DMXL1: variants seen among roughly 807,000 people sequenced by gnomAD.
DMXL1 encodes Dmx like 1, also known as dmX-like protein 1.
A neutral mutation model predicts 319.2 loss-of-function variants in DMXL1; 99 were observed. That is an observed-to-expected ratio of 0.31 (90% CI 0.26 to 0.37). DMXL1 has a LOEUF of 0.37. Among genes scored for constraint, DMXL1 ranks in the 10% least tolerant of loss-of-function variants. DMXL1 has a pLI of 1.00. For synonymous variants in DMXL1, 1,385 were observed against 1,235.2 expected (o/e 1.12, Z -2.54); for missense variants, 3,745 against 3,595.6 (o/e 1.04, Z -1.06).
chr5:119,174,874 G>A (rs183290639), intron 25 of DMXL1, among the ~76,000 whole-genome samples: 321 of 152,286 alleles, frequency 2.1e-3, no homozygotes, highest in Non-Finnish European at 3.6e-3. Flanking sequence ...TGACCTGTCC[G>A]TTGGTGAACT....
chr5:119,208,290 T>C (rs1782109810), intron 34 of DMXL1, among the ~76,000 whole-genome samples: 1 of 151,402 alleles, frequency 6.6e-6, no homozygotes, highest in African/African-American at 2.4e-5. Context: ...CTCAGCTTAC[T>C]GCAAGCTCCG....
rs551577500 is a variant in DMXL1 at position 119,130,157 on chromosome 5, G to A, written c.1315+734G>A. Among the ~76,000 whole-genome samples the A allele has an allele frequency of 1.1e-4, 17 of 151,904 alleles. 1 individual carries two copies. The South Asian group carries it at 3.5e-3, about 32-fold the overall frequency. On this transcript the variant is annotated intron_variant, in intron 10 of 43. Transcript: ENST00000539542. ...ATTTCAAGATGGTTTATGATCATTA[G>A]GTAAGAAAAATCAAACAGGTACACA...
At chr5:119,186,089 T>C (rs960595706) in intron 28 of DMXL1, among the ~76,000 whole-genome samples, 1 of 152,228 alleles carries the variant, frequency 6.6e-6, no homozygotes, top group South Asian at 2.1e-4. Context: ...CTGTTTGTCT[T>C]AAACTTGCAT....
chr5:119,154,925 GA>G (rs1420677289), intron 19 of DMXL1, among the ~76,000 whole-genome samples: 1 of 152,168 alleles, frequency 6.6e-6, no homozygotes, highest in Non-Finnish European at 1.5e-5. Flanking sequence ...GAAAATCCTA[GA>G]GTGTTTAAGA....
chr5:119,188,544 G>A (rs1359422846), intron 28 of DMXL1, among the ~76,000 whole-genome samples: 2 of 152,154 alleles, frequency 1.3e-5, no homozygotes, highest in African/African-American at 4.8e-5. Context: ...GTAAACTACC[G>A]TTTAAGTTTT....
At chr5:119,095,775 G>T (rs1212924292) in intron 1 of DMXL1, among the ~76,000 whole-genome samples, 1 of 152,148 alleles carries the variant, frequency 6.6e-6, no homozygotes, top group East Asian at 1.9e-4. Context: ...CTTGCTAATG[G>T]TCTTATGACA....
intron 19 of DMXL1, among the ~76,000 whole-genome samples, chr5:119,159,153 C>T (rs1029636964): frequency 5.9e-5 from 9 of 151,406 alleles, no homozygotes; most frequent in Admixed American, 4.6e-4. Context: ...TTCTTTGAGA[C>T]AGAGTCTCGC....
chr5:119,173,349 G>A (rs943679958), intron 25 of DMXL1, among the ~76,000 whole-genome samples: 14 of 127,666 alleles, frequency 1.1e-4, no homozygotes, highest in South Asian at 7.2e-4. Context: ...CCCACCCCCC[G>A]CCAAAAAAAA....
At position 119,203,304 on chromosome 5, in the gene DMXL1, T is replaced by C. The variant is rs1482373743; in HGVS notation, c.7746-15T>C. The C allele has an allele frequency of 5.4e-6, 8 of 1,492,524 alleles. No homozygotes were observed. The highest frequency in any genetic ancestry group is 1.8e-4 in the Middle Eastern group (1 of 5,670). 92.5% of individuals were successfully genotyped at this position (1,492,524 alleles called of 1,614,324 possible). ...TTCTGAAGTTTATCATTAAATTTGC[T>C]GTCTCTCTCTGTAGATCCAAACACC... On this transcript the variant is annotated splice_polypyrimidine_tract_variant and intron_variant, in intron 32 of 43. Coordinates refer to ENST00000539542, the MANE Select transcript of DMXL1 (RefSeq NM_001290321.3).
chr5:119,128,472 G>C (rs1195901522), intron 9 of DMXL1: 1 of 163,124 alleles, frequency 6.1e-6, no homozygotes, highest in African/African-American at 2.4e-5. Context: ...ACTAGCCCCA[G>C]CTGGAAATCT....
At position 119,124,729 on chromosome 5, in the gene DMXL1, C is replaced by T. The variant is rs137975035; in HGVS notation, c.1102+3590C>T. Among the ~76,000 whole-genome samples the T allele has an allele frequency of 1.6e-3, 237 of 151,968 alleles. 1 individual carries two copies. The highest frequency in any genetic ancestry group is 5.4e-3 in the African/African-American group (223 of 41,436). Reference sequence around the variant, plus strand: ...TACAGGCATGAGCCACCATGCCTGGCTAATTTTTGTATTTTTAGTAGAGAT... The same window carrying T: ...TACAGGCATGAGCCACCATGCCTGGTTAATTTTTGTATTTTTAGTAGAGAT... On this transcript the variant is annotated intron_variant, in intron 9 of 43. Transcript: ENST00000539542.
At chr5:119,197,719 G>A (rs1779900187) in intron 31 of DMXL1, 36 bp from the exon 32 acceptor site, 2 of 1,589,226 alleles carry the variant, frequency 1.3e-6, no homozygotes, top group Non-Finnish European at 8.6e-7. Flanking sequence ...GCATTTTACT[G>A]CATAAGATTA....
At position 119,177,503 on chromosome 5, in the gene DMXL1, G is replaced by C. The variant is rs377704656; in HGVS notation, c.6886+19G>C. The C allele has an allele frequency of 6.4e-7, 1 of 1,574,630 alleles. No homozygotes were observed. ...TGGCCAGGTATAATTTTTATGTATA[G>C]ATCAGTTTTTTCTTAGTCTTATTTA... On this transcript the variant is annotated intron_variant, in intron 27 of 43. Coordinates refer to ENST00000539542, the MANE Select transcript of DMXL1 (RefSeq NM_001290321.3).
At chr5:119,124,307 G>C (rs967946564) in intron 9 of DMXL1, among the ~76,000 whole-genome samples, 3 of 144,040 alleles carry the variant, frequency 2.1e-5, no homozygotes, top group African/African-American at 7.8e-5. Context: ...GGCAGAGCGA[G>C]ACTCCATCTC....
intron 28 of DMXL1, chr5:119,178,479 T>C (rs938316191): frequency 4.5e-6 from 2 of 442,050 alleles, no homozygotes; most frequent in South Asian, 9.7e-5. Context: ...ATTTATTAAA[T>C]ATTTTACTAC....
At chr5:119,121,198 C>G (rs1761969795) in intron 9 of DMXL1, 59 bp downstream of exon 9, 1 of 1,340,848 alleles carries the variant, frequency 7.5e-7, no homozygotes, top group Non-Finnish European at 1.0e-6. Flanking sequence ...TTTATAACAA[C>G]TAAGTTATAC....
chr5:119,212,258 C>T (rs1279048834), intron 34 of DMXL1, among the ~76,000 whole-genome samples: 1 of 152,102 alleles, frequency 6.6e-6, no homozygotes, highest in Admixed American at 6.6e-5. Flanking sequence ...CTTTTTGTAT[C>T]TATGAATTTT....
intron 26 of DMXL1, 117 bp downstream of exon 26, chr5:119,175,454 A>G: frequency 2.9e-6 from 2 of 691,780 alleles, no homozygotes; most frequent in South Asian, 2.2e-5. Flanking sequence ...CAAAAAGCAT[A>G]TGGTTGAGGT....
At chr5:119,165,417 A>T (rs1773212943) in intron 21 of DMXL1, 137 bp downstream of exon 21, 1 of 535,612 alleles carries the variant, frequency 1.9e-6, no homozygotes, top group South Asian at 3.2e-5. Flanking sequence ...TTTAAAAGAG[A>T]GATTTCGTAA....
Sources: gnomAD v4.1 joint callset for allele counts (sites outside exome capture counted in the v4.1 genomes callset) on GRCh38, gnomAD v4.1.1 for gene constraint, MANE v1.5 for transcripts, NCBI Gene and HGNC (gene_info 2026-07-23, HGNC 2026-07-21) for gene names.